EXPH5: variants seen among roughly 807,000 people sequenced by gnomAD.
EXPH5 encodes exophilin-5.
In EXPH5, 42 loss-of-function variants were observed where a neutral mutation model predicts 41.1. The observed-to-expected ratio is 1.02, with a 90% confidence interval of 0.80 to 1.32. EXPH5 has a LOEUF of 1.32. EXPH5 is among the 40% of genes most tolerant of loss of function. The probability of loss-of-function intolerance (pLI) is 0.00; values close to 1 mark genes in which losing one functional copy is unlikely to be tolerated. For missense variants in EXPH5, 2,298 were observed against 2,314.5 expected (o/e 0.99, Z 0.15); for synonymous variants, 798 against 833.5 (o/e 0.96, Z 0.73).
At position 108,512,617 on chromosome 11, in the gene EXPH5, G is replaced by A. The variant is rs755877213; in HGVS notation, c.2890C>T (p.His964Tyr). Residue 964 changes from histidine (H) to tyrosine (Y), a missense_variant, in exon 6 of 6, where the codon CAC becomes TAC. Physicochemically the swap from His to Tyr is moderately conservative, Grantham distance 83 (BLOSUM62 2). Transcript: ENST00000265843. ...CCTCTTTCATTCCTAAAAGGAGAGT[G>A]TGAATGGCATTTGACATCAACCACT... ...DEVVDVKCHSHSPFRNERGKG... is the reference protein window; with the variant it reads ...DEVVDVKCHSYSPFRNERGKG... 8 of 1,613,608 alleles carry A rather than the reference G, an allele frequency of 5.0e-6. No homozygotes were observed. In the Admixed American group the frequency reaches 1.2e-4, roughly 24 times the overall value.
chr11:108,595,823 G>A (rs569255969), upstream of EXPH5, among the ~76,000 whole-genome samples: 12 of 152,222 alleles, frequency 7.9e-5, no homozygotes, highest in Non-Finnish European at 1.8e-4. Flanking sequence ...CTCTGACTAT[G>A]AATGCCATGT....
At chr11:108,579,585 T>C (rs2136111611) in intron 1 of EXPH5, among the ~76,000 whole-genome samples, 1 of 150,392 alleles carries the variant, frequency 6.6e-6, no homozygotes, top group South Asian at 2.1e-4. Flanking sequence ...CCAGATAAGA[T>C]AGAGTAAGTG....
chr11:108,565,651 G>A (rs1421722980), intron 1 of EXPH5, among the ~76,000 whole-genome samples: 2 of 152,194 alleles, frequency 1.3e-5, no homozygotes, highest in Non-Finnish European at 1.5e-5. Flanking sequence ...TGAGGGTGCT[G>A]GGCCTGTGGT....
rs2093676474 is a variant in EXPH5, at chr11:108,511,009, G to C, written c.4498C>G (p.Leu1500Val). 6.2e-7 allele frequency: 1 copy of C among 1,614,164 alleles called. No homozygotes were observed. Among genetic ancestry groups the C allele is most frequent in the East Asian group, 2.2e-5 (1 of 44,878 alleles). ...AAGACTTGACTCTCTGAGTGAGAAA[G>C]TGTTTTATTAGTCATTTTTTGGCAG... ...TNCQKMTNKT[L>V]SHSESQVFAL... The change falls in exon 6 of 6, where the codon CTT (leucine) becomes GTT (valine). Residue 1500 changes from leucine (L) to valine (V), a missense_variant. Coordinates refer to ENST00000265843, the MANE Select transcript of EXPH5 (RefSeq NM_015065.3).
intron 1 of EXPH5, among the ~76,000 whole-genome samples, chr11:108,553,229 G>A (rs961642176): frequency 3.3e-5 from 5 of 151,994 alleles, no homozygotes; most frequent in African/African-American, 1.2e-4. Flanking sequence ...ATTGACCATT[G>A]TAACCCTTCT....
intron 1 of EXPH5, among the ~76,000 whole-genome samples, chr11:108,576,003 G>T (rs747409405): frequency 6.6e-6 from 1 of 151,880 alleles, no homozygotes; most frequent in African/African-American, 2.4e-5. Context: ...TGACATGGGG[G>T]TAACAGTTTG....
rs761270789 is a variant in EXPH5 at position 108,510,063 on chromosome 11, A to C, written c.5444T>G (p.Val1815Gly). ...DLLRKSHPPK[V>G]RERHFSESTS... is the part of the protein sequence containing the mutation. ...GCTTTCAGAAAAATGGCGCTCCCTGACTTTTGGAGGATGGCTTTTTCGTAG... is the reference window on the plus strand; with the variant it reads ...GCTTTCAGAAAAATGGCGCTCCCTGCCTTTTGGAGGATGGCTTTTTCGTAG... The change falls in exon 6 of 6, where the codon GTC (valine) becomes GGC (glycine). Residue 1815 changes from valine to glycine, a missense_variant. Val to Gly is a moderately radical substitution (Grantham distance 109, BLOSUM62 -3). Transcript: ENST00000265843. 1.1e-5 allele frequency: 17 copies of C among 1,611,382 alleles called. No homozygotes were observed. The highest frequency in any genetic ancestry group is 1.4e-5 in the Non-Finnish European group (16 of 1,179,148).
chr11:108,567,990 A>T (rs2094041940), intron 1 of EXPH5: 2 of 152,126 alleles, frequency 1.3e-5, no homozygotes, highest in Non-Finnish European at 1.5e-5. Flanking sequence ...CAAGCTTCAA[A>T]ACCAAAATCC....
rs148791411 is a variant in EXPH5 at position 108,510,309 on chromosome 11, G to C, written c.5198C>G (p.Ser1733Ter). ...CCTGAGGCTGGTGAATGTGATGGGTGATGGGGCTCCTGATTCTCTTACTAA... is the reference window on the plus strand; with the variant it reads ...CCTGAGGCTGGTGAATGTGATGGGTCATGGGGCTCCTGATTCTCTTACTAA... Reference protein sequence around the residue: ...QNLVRESGAPSPITFTSLREA... With the variant: ...QNLVRESGAP Residue 1733 changes from serine to a stop codon, truncating the protein, a stop_gained, in exon 6 of 6, where the codon TCA becomes TGA. Coordinates refer to ENST00000265843, the MANE Select transcript of EXPH5 (RefSeq NM_015065.3). LOFTEE classifies it low-confidence loss of function (END_TRUNC). 5.6e-6 allele frequency: 9 copies of C among 1,614,198 alleles called. No individual in the cohort carries two copies. The East Asian group carries it at 1.6e-4, about 28-fold the overall frequency.
At position 108,572,967 on chromosome 11, in the gene EXPH5, G is replaced by A. The variant is rs1450578786; in HGVS notation, c.119+20451C>T. On this transcript the variant is annotated intron_variant, in intron 1 of 5. Coordinates refer to ENST00000265843, the MANE Select transcript of EXPH5 (RefSeq NM_015065.3). ...CGGGCTGCTCGTGTCTGTAATCCTAGCAGTCTGGGAGGACGAGGCAGGAGG... is the reference window on the plus strand; with the variant it reads ...CGGGCTGCTCGTGTCTGTAATCCTAACAGTCTGGGAGGACGAGGCAGGAGG... Among the ~76,000 whole-genome samples, 4 of 151,740 alleles carry A rather than the reference G, an allele frequency of 2.6e-5. No individual in the cohort carries two copies. In the East Asian group the frequency reaches 5.8e-4, roughly 22 times the overall value.
At chr11:108,516,071 CAAAAAA>C (rs35633613) in intron 5 of EXPH5, among the ~76,000 whole-genome samples, 1 of 84,960 alleles carries the variant, frequency 1.2e-5, no homozygotes, top group South Asian at 4.0e-4. Flanking sequence ...GACTCCGTCT[CAAAAAA>C]AAAAAAAAAA....
intron 3 of EXPH5, among the ~76,000 whole-genome samples, chr11:108,529,406 C>T (rs562403092): frequency 1.3e-5 from 2 of 152,274 alleles, no homozygotes; most frequent in East Asian, 3.9e-4. Context: ...GATCTCAGTA[C>T]ACTGTGGCCT....
chr11:108,548,133 A>AAAG (rs1354779046), intron 1 of EXPH5, among the ~76,000 whole-genome samples: 2 of 130,798 alleles, frequency 1.5e-5, no homozygotes, highest in African/African-American at 5.1e-5. Context: ...AAAAAAAAAA[A>AAAG]AAATCAGTGT....
chr11:108,509,475 G>A lies in EXPH5; in HGVS notation c.*62C>T. 6.9e-7 allele frequency: 1 copy of A among 1,447,716 alleles called. No individual in the cohort carries two copies. The highest frequency in any genetic ancestry group is 2.3e-5 in the East Asian group (1 of 43,926). The allele number at this position is 1,447,716 out of a possible 1,614,324, so 89.7% of individuals were successfully genotyped here. Reference sequence around the variant, plus strand: ...TTTATCCTTCCATGCACATGCACATGTACACCTTAGTTCCATTATAAGCTT... The same window carrying A: ...TTTATCCTTCCATGCACATGCACATATACACCTTAGTTCCATTATAAGCTT... On this transcript the variant is annotated 3_prime_UTR_variant, in exon 6 of 6. Transcript: ENST00000265843.
At chr11:108,516,340 T>C (rs1167280100) in intron 5 of EXPH5, among the ~76,000 whole-genome samples, 1 of 152,176 alleles carries the variant, frequency 6.6e-6, no homozygotes, top group East Asian at 1.9e-4. Flanking sequence ...CTCTGTGATC[T>C]TAGACAAGCC....
intron 1 of EXPH5, among the ~76,000 whole-genome samples, chr11:108,576,140 C>T (rs917093776): frequency 2.0e-5 from 3 of 152,038 alleles, no homozygotes; most frequent in Admixed American, 6.6e-5. Flanking sequence ...TTCATAGCAG[C>T]ATTATTCACA....
At chr11:108,585,277 A>G (rs2094109878) in intron 1 of EXPH5, among the ~76,000 whole-genome samples, 1 of 152,220 alleles carries the variant, frequency 6.6e-6, no homozygotes, top group African/African-American at 2.4e-5. Context: ...CTAAAGAACT[A>G]CTATGCTCTT....
intron 2 of EXPH5, among the ~76,000 whole-genome samples, chr11:108,541,406 C>T (rs1031044668): frequency 1.3e-5 from 2 of 151,780 alleles, no homozygotes; most frequent in Non-Finnish European, 2.9e-5. Flanking sequence ...TATTCCTACC[C>T]ACTATGCTAT....
chr11:108,568,174 T>TG (rs2094042829), intron 1 of EXPH5: 1 of 90,902 alleles, frequency 1.1e-5, no homozygotes, highest in Non-Finnish European at 2.0e-5. Flanking sequence ...CTTACTTTTT[T>TG]TGGGAGGGGG....
Sources: allele counts gnomAD v4.1 joint callset (sites outside exome capture counted in the v4.1 genomes callset), GRCh38; gene constraint gnomAD v4.1.1; transcripts MANE v1.5; gene names NCBI Gene and HGNC (gene_info 2026-07-23, HGNC 2026-07-21).